Variants in EIF3B observed in about 807,000 individuals in gnomAD.
EIF3B encodes eukaryotic translation initiation factor 3 subunit 9.
A neutral mutation model predicts 104.6 loss-of-function variants in EIF3B; 10 were observed. The ratio of observed to expected loss-of-function variants is 0.10; its 90% CI spans 0.06 to 0.16. The LOEUF is 0.16. Among genes scored for constraint, EIF3B ranks in the 10% least tolerant of loss-of-function variants. EIF3B has a pLI of 1.00. For synonymous variants in EIF3B, 542 were observed against 417.2 expected, an observed-to-expected ratio of 1.30 and a Z score of -3.65; for missense variants, 1,014 against 1,087.9, an observed-to-expected ratio of 0.93 and a Z score of 0.96.
chr7:2,356,777 G>C (rs900431764), intron 1 of EIF3B, among the ~76,000 whole-genome samples: 1 of 152,112 alleles, frequency 6.6e-6, no homozygotes, highest in Non-Finnish European at 1.5e-5. Flanking sequence ...GGGCGACAGA[G>C]TGAGACCCTG....
At chr7:2,370,909 A>G (rs1191293658) in intron 10 of EIF3B, among the ~76,000 whole-genome samples, 1 of 152,070 alleles carries the variant, frequency 6.6e-6, no homozygotes, top group Non-Finnish European at 1.5e-5. Context: ...TAAAAATGCA[A>G]AAAATTAGCC....
In EIF3B at chr7:2,363,051, A is replaced by G. The variant is rs1562479247; in HGVS notation, c.813-19A>G. ...TAGTCGTCAGGGCGTGGGGCTCAGCAGTCTCCTTTCTTCTCCAGGTATATG... is the reference window on the plus strand; with the variant it reads ...TAGTCGTCAGGGCGTGGGGCTCAGCGGTCTCCTTTCTTCTCCAGGTATATG... On this transcript the variant is annotated intron_variant, in intron 3 of 18. Coordinates refer to ENST00000360876, the MANE Select transcript of EIF3B (RefSeq NM_001037283.2). 1 of 1,613,940 alleles carries G rather than the reference A, an allele frequency of 6.2e-7. No homozygotes were observed. Among genetic ancestry groups the G allele is most frequent in the Non-Finnish European group, 8.5e-7 (1 of 1,179,908 alleles).
chr7:2,377,183 C>T (rs551151401), intron 15 of EIF3B, 108 bp downstream of exon 15: 204 of 1,412,992 alleles, frequency 1.4e-4, no homozygotes, highest in Middle Eastern at 1.8e-4. Context: ...GGGATAAAAA[C>T]GTGACATTTG....
chr7:2,372,409 G>A (rs1486700941), intron 11 of EIF3B, among the ~76,000 whole-genome samples: 4 of 152,162 alleles, frequency 2.6e-5, no homozygotes, highest in Non-Finnish European at 2.9e-5. Context: ...TGACAATGTC[G>A]GGCTCCTGCG....
chr7:2,380,104 T>C, intron 18 of EIF3B, 100 bp from the exon 19 acceptor site: 1 of 308,222 alleles, frequency 3.2e-6, no homozygotes, highest in Non-Finnish European at 6.4e-6. Context: ...CCGGGGTGGC[T>C]CCTCTTGCGG....
At chr7:2,379,673 G>T in intron 18 of EIF3B, 162 bp downstream of exon 18, 2 of 612,116 alleles carry the variant, frequency 3.3e-6, no homozygotes, top group Non-Finnish European at 5.8e-6. Flanking sequence ...ATGTAGAGTC[G>T]GTGCCGACGT....
Position 2,360,880 on chromosome 7 carries a change from G to A in EIF3B, c.670G>A (p.Glu224Lys), listed in dbSNP as rs775088394. ...FGKITNDFYP[E>K]EDGKTKGYIF... ...GAAAATCACAAATGATTTTTATCCT[G>A]AAGAGGATGGGAAGACAAAAGGGTG... Residue 224 changes from glutamate (E) to lysine (K), a missense_variant, in exon 2 of 19, where the codon GAA becomes AAA. Glu to Lys is a moderately conservative substitution (Grantham distance 56). This residue lies in a region of EIF3B where 488 missense variants were observed against 404.3 expected (regional missense o/e 1.21). Coordinates refer to ENST00000360876, the MANE Select transcript of EIF3B (RefSeq NM_001037283.2). 1 of 1,612,642 alleles carries A rather than the reference G, an allele frequency of 6.2e-7. No individual in the cohort carries two copies. Among genetic ancestry groups the A allele is most frequent in the Non-Finnish European group, 8.5e-7 (1 of 1,178,894 alleles).
At chr7:2,379,915 G>T (rs563231897) in intron 18 of EIF3B, 2 of 257,722 alleles carry the variant, frequency 7.8e-6, no homozygotes, top group Non-Finnish European at 1.5e-5. Context: ...AGCCTTCCAA[G>T]TCGGGGGCTG....
intron 1 of EIF3B, among the ~76,000 whole-genome samples, chr7:2,357,236 T>C (rs1779495321): frequency 6.6e-6 from 1 of 152,176 alleles, no homozygotes; most frequent in South Asian, 2.1e-4. Flanking sequence ...ACGACAGGGT[T>C]GGCCAGGCTG....
chr7:2,362,630 C>A lies in EIF3B; in HGVS notation c.693-15C>A, dbSNP rs1562478726. On this transcript the variant is annotated splice_polypyrimidine_tract_variant and intron_variant, in intron 2 of 18. Coordinates refer to ENST00000360876, the MANE Select transcript of EIF3B (RefSeq NM_001037283.2). ...TTACAGTGTGGGTATGTGCCAACGG[C>A]CCTCTCTCACTCAGGTATATTTTCC... The A allele has an allele frequency of 6.2e-7, 1 of 1,613,956 alleles. No homozygotes were observed. The highest frequency in any genetic ancestry group is 8.5e-7 in the Non-Finnish European group (1 of 1,180,000).
In EIF3B at chr7:2,360,837, G is replaced by A. The variant is rs1779687707; in HGVS notation, c.627G>A (p.Lys209=). The A allele has an allele frequency of 6.2e-7, 1 of 1,613,790 alleles. No homozygotes were observed. The highest frequency in any genetic ancestry group is 8.5e-7 in the Non-Finnish European group (1 of 1,179,832). The change falls in exon 2 of 19, where the codon AAG becomes AAA. Residue 209 remains lysine (K), a synonymous_variant. Transcript: ENST00000360876. ...RLEKLKNVIH[K]IFSKFGKITN... ...AGAAACTCAAAAATGTCATCCACAA[G>A]ATCTTTTCCAAGTTTGGGAAAATCA...
chr7:2,371,735 C>G lies in EIF3B; in HGVS notation c.1615-42C>G, dbSNP rs569588508. ...TGATTTAAACCTTTTCTCATATTTT[C>G]ACTGTCCAGAATGTCACCCCTTCCC... On this transcript the variant is annotated intron_variant, in intron 10 of 18. Coordinates refer to ENST00000360876, the MANE Select transcript of EIF3B (RefSeq NM_001037283.2). The G allele has an allele frequency of 4.2e-6, 6 of 1,420,002 alleles. No individual in the cohort carries two copies. In the South Asian group the frequency reaches 5.7e-5, roughly 14 times the overall value. The allele number at this position is 1,420,002 out of a possible 1,614,324, so 88.0% of individuals were successfully genotyped here.
At chr7:2,375,075 GA>G (rs940601025) in intron 13 of EIF3B, 57 of 412,326 alleles carry the variant, frequency 1.4e-4, no homozygotes, top group Admixed American at 1.1e-4. Context: ...TGAGTTAAAA[GA>G]ATACCCTTTT....
intron 14 of EIF3B, 147 bp from the exon 15 acceptor site, chr7:2,376,803 C>T (rs1326216884): frequency 8.1e-7 from 1 of 1,227,406 alleles, no homozygotes; most frequent in African/African-American, 1.5e-5. Flanking sequence ...TGACTGCCCA[C>T]CTACCCTGCT....
Position 2,379,920 on chromosome 7 carries a change from G to C in EIF3B, c.*15-284G>C, listed in dbSNP as rs1005219970. ...CTGAGACAAGAGCCTTCCAAGTCGG[G>C]GGCTGGGGAGCAGAGTGCGGGAGCT... On this transcript the variant is annotated intron_variant, in intron 18 of 18. Transcript: ENST00000360876. The C allele has an allele frequency of 4.3e-5, 11 of 258,790 alleles. No homozygotes were observed. The South Asian group carries it at 4.5e-4, about 11-fold the overall frequency. The allele number at this position is 258,790 out of a possible 1,614,324, so 16.0% of individuals were successfully genotyped here.
rs1162940545 is a variant in EIF3B, at chr7:2,375,472, A to T, written c.1973A>T (p.Glu658Val). ...IAEHYMASDV[E>V]WDPTGRYVVT... ...GAGCACTACATGGCTTCCGACGTCG[A>T]ATGGGATCCTACTGGGCGCTACGTC... The change falls in exon 14 of 19, where the codon GAA (glutamate) becomes GTA (valine). Residue 658 changes from glutamate to valine, a missense_variant. This residue lies in a region of EIF3B where 266 missense variants were observed against 324.0 expected (regional missense o/e 0.82). Transcript: ENST00000360876. The T allele has an allele frequency of 6.2e-7, 1 of 1,614,152 alleles. No individual in the cohort carries two copies. The highest frequency in any genetic ancestry group is 8.5e-7 in the Non-Finnish European group (1 of 1,180,024).
intron 14 of EIF3B, 35 bp from the exon 15 acceptor site, chr7:2,376,915 C>A (rs763105151): frequency 2.5e-5 from 40 of 1,597,740 alleles, no homozygotes; most frequent in Non-Finnish European, 3.4e-5. Flanking sequence ...CTCTCTGACC[C>A]CTCTGTGTCC....
chr7:2,358,598 C>T (rs1405423277), intron 1 of EIF3B, among the ~76,000 whole-genome samples: 4 of 152,150 alleles, frequency 2.6e-5, no homozygotes, highest in African/African-American at 9.7e-5. Context: ...ATGATCTTGG[C>T]TCACTGCAAC....
At chr7:2,370,813 C>T (rs932375184) in intron 10 of EIF3B, among the ~76,000 whole-genome samples, 24 of 151,702 alleles carry the variant, frequency 1.6e-4, no homozygotes, top group Admixed American at 1.4e-3. Flanking sequence ...CGGTGGCTCA[C>T]GCCTGTAATC....
Sources: allele counts gnomAD v4.1 joint callset (sites outside exome capture counted in the v4.1 genomes callset), GRCh38; gene constraint gnomAD v4.1.1; regional missense constraint gnomAD v4.1.1; transcripts MANE v1.5; gene names NCBI Gene and HGNC (gene_info 2026-07-23, HGNC 2026-07-21).